Variants in IQCM observed in about 807,000 individuals in gnomAD.
The protein encoded by IQCM is IQ domain-containing protein M.
Under a neutral mutation model 57.6 loss-of-function variants are expected in IQCM, and 45 were observed. The ratio of observed to expected loss-of-function variants is 0.78; its 90% confidence interval spans 0.62 to 1.00. The LOEUF is 1.00. Among genes scored for constraint, IQCM ranks in the 50% least tolerant of loss-of-function variants. The pLI is 0.00. For missense variants in IQCM, 468 were observed against 511.6 expected (o/e 0.91, Z 0.82); for synonymous variants, 148 against 158.9 (o/e 0.93, Z 0.51).
intron 7 of IQCM, among the ~76,000 whole-genome samples, chr4:149,629,899 C>G (rs1271423446): frequency 7.1e-6 from 1 of 140,806 alleles, no homozygotes; most frequent in East Asian, 2.2e-4. Flanking sequence ...TTTGTTTAAA[C>G]TTCCTTTAAT....
At chr4:149,756,839 A>C (rs1769013121) in intron 2 of IQCM, among the ~76,000 whole-genome samples, 1 of 152,222 alleles carries the variant, frequency 6.6e-6, no homozygotes. Context: ...TTAAAGAAAA[A>C]TTTGGAGACA....
At chr4:149,756,866 T>C (rs1465389490) in intron 2 of IQCM, among the ~76,000 whole-genome samples, 1 of 152,220 alleles carries the variant, frequency 6.6e-6, no homozygotes, top group Non-Finnish European at 1.5e-5. Flanking sequence ...CCCATTGAAA[T>C]ATTAAAGGTA....
chr4:149,354,553 A>G (rs1728823788), intron 13 of IQCM, among the ~76,000 whole-genome samples: 1 of 151,886 alleles, frequency 6.6e-6, no homozygotes, highest in Non-Finnish European at 1.5e-5. Context: ...AGATCTCAGG[A>G]TTAAGTGCTT....
chr4:149,504,720 C>T (rs1422679850), intron 12 of IQCM, among the ~76,000 whole-genome samples: 5 of 152,092 alleles, frequency 3.3e-5, no homozygotes, highest in African/African-American at 1.2e-4. Context: ...TCAAGACCAG[C>T]CTGGCCAATA....
intron 13 of IQCM, among the ~76,000 whole-genome samples, chr4:149,424,386 G>A (rs1734324426): frequency 1.3e-5 from 2 of 150,692 alleles, no homozygotes; most frequent in South Asian, 2.1e-4. Context: ...AATAAATAAA[G>A]CTTAGTTTTA....
intron 2 of IQCM, among the ~76,000 whole-genome samples, chr4:149,806,604 T>A (rs554307189): frequency 6.6e-6 from 1 of 151,982 alleles, no homozygotes; most frequent in Non-Finnish European, 1.5e-5. Flanking sequence ...GCCTAGAAAT[T>A]GAGAAATGGT....
intron 5 of IQCM, among the ~76,000 whole-genome samples, chr4:149,703,018 C>A (rs1283793500): frequency 6.6e-6 from 1 of 151,778 alleles, no homozygotes; most frequent in South Asian, 2.1e-4. Context: ...ACAAAATGCA[C>A]GTAAGAAAAG....
rs529368027 is a variant in IQCM, at chr4:149,761,675, A to T, written c.-48-18936T>A. On this transcript the variant is annotated intron_variant, in intron 2 of 13. Transcript: ENST00000636793. ...TCTTAAGGATAATATTTCTGTCTGA[A>T]TTATAATATCCCTCATAGTTCCTAC... Among the ~76,000 whole-genome samples, 5 of 152,210 alleles carry T rather than the reference A, an allele frequency of 3.3e-5. No individual in the cohort carries two copies. In the East Asian group the frequency reaches 9.6e-4, roughly 29 times the overall value.
chr4:149,453,179 C>T (rs1737317918), intron 12 of IQCM, among the ~76,000 whole-genome samples: 1 of 151,568 alleles, frequency 6.6e-6, no homozygotes, highest in African/African-American at 2.4e-5. Context: ...TACCTCACAC[C>T]ATACACAAAA....
chr4:149,604,065 T>C (rs1331744336), intron 8 of IQCM, among the ~76,000 whole-genome samples: 1 of 152,108 alleles, frequency 6.6e-6, no homozygotes, highest in Non-Finnish European at 1.5e-5. Flanking sequence ...TCATAATATA[T>C]ATAAAGGTAA....
chr4:149,444,463 T>C (rs1736290788), intron 12 of IQCM, among the ~76,000 whole-genome samples: 1 of 151,886 alleles, frequency 6.6e-6, no homozygotes, highest in African/African-American at 2.4e-5. Flanking sequence ...TAAGACAACT[T>C]GGGTTATTTC....
intron 13 of IQCM, among the ~76,000 whole-genome samples, chr4:149,414,860 C>A (rs184097510): frequency 2.0e-5 from 3 of 151,778 alleles, no homozygotes; most frequent in Non-Finnish European, 4.4e-5. Context: ...TTTTATAGGA[C>A]GATAAGTCAC....
intron 13 of IQCM, among the ~76,000 whole-genome samples, chr4:149,427,556 T>C (rs1323598587): frequency 1.3e-5 from 2 of 151,986 alleles, no homozygotes; most frequent in East Asian, 3.9e-4. Flanking sequence ...AACACAACCA[T>C]TTCACTAAAT....
At chr4:149,391,427 T>A (rs937931788) in intron 13 of IQCM, among the ~76,000 whole-genome samples, 7 of 151,960 alleles carry the variant, frequency 4.6e-5, no homozygotes, top group African/African-American at 9.7e-5. Flanking sequence ...TTGATTTTTT[T>A]AAAAACCAAC....
At chr4:149,471,207 T>C (rs1031427605) in intron 12 of IQCM, among the ~76,000 whole-genome samples, 1 of 151,956 alleles carries the variant, frequency 6.6e-6, no homozygotes, top group African/African-American at 2.4e-5. Context: ...ATCAACAAAA[T>C]TGATAGACCT....
chr4:149,737,441 G>A (rs150559363), intron 3 of IQCM, among the ~76,000 whole-genome samples: 6 of 152,286 alleles, frequency 3.9e-5, no homozygotes, highest in East Asian at 1.9e-4. Flanking sequence ...AAATATTAAT[G>A]GTAAGAACTT....
intron 13 of IQCM, among the ~76,000 whole-genome samples, chr4:149,408,408 T>C (rs1487551911): frequency 1.3e-5 from 2 of 152,182 alleles, no homozygotes; most frequent in Admixed American, 1.3e-4. Context: ...CCTAAACTGA[T>C]ATACTACGCC....
chr4:149,715,709 T>G, intron 5 of IQCM, among the ~76,000 whole-genome samples: 1 of 151,984 alleles, frequency 6.6e-6, no homozygotes, highest in Non-Finnish European at 1.5e-5. Context: ...GGTGAAGAGG[T>G]GCTTTATTGA....
chr4:149,406,173 C>A (rs1023490869), intron 13 of IQCM, among the ~76,000 whole-genome samples: 3 of 151,894 alleles, frequency 2.0e-5, no homozygotes, highest in African/African-American at 7.3e-5. Flanking sequence ...AACTGTCAGG[C>A]ACAATGTATT....
Sources: allele counts gnomAD v4.1 joint callset (sites outside exome capture counted in the v4.1 genomes callset), GRCh38; gene constraint gnomAD v4.1.1; transcripts MANE v1.5; gene names NCBI Gene and HGNC (gene_info 2026-07-23, HGNC 2026-07-21).